NCAM2: variants seen among roughly 807,000 people sequenced by gnomAD.
NCAM2 encodes the protein N-CAM-2.
Under a neutral mutation model 98.1 loss-of-function variants are expected in NCAM2, and 30 were observed. The ratio of observed to expected loss-of-function variants is 0.31; its 90% CI spans 0.23 to 0.41. The LOEUF is 0.41. Among genes scored for constraint, NCAM2 ranks in the 10% least tolerant of loss-of-function variants. The pLI is 1.00. For synonymous variants in NCAM2, 368 were observed against 342.4 expected (o/e 1.07, Z -0.83); for missense variants, 867 against 1,005.8 (o/e 0.86, Z 1.87).
chr21:21,486,050 TC>T (rs1986323925), intron 15 of NCAM2, among the ~76,000 whole-genome samples: 1 of 152,040 alleles, frequency 6.6e-6, no homozygotes. Context: ...ACGCCTGTAA[TC>T]CTAGCACTTT....
intron 6 of NCAM2, among the ~76,000 whole-genome samples, chr21:21,327,099 G>A (rs1158285170): frequency 2.0e-5 from 3 of 152,104 alleles, no homozygotes; most frequent in Non-Finnish European, 2.9e-5. Context: ...TTCGTGAACC[G>A]CCTGCCTTTG....
At chr21:21,509,739 A>G (rs962219543) in intron 16 of NCAM2, among the ~76,000 whole-genome samples, 41 of 152,150 alleles carry the variant, frequency 2.7e-4, no homozygotes, top group African/African-American at 9.4e-4. Flanking sequence ...TAATATTTCC[A>G]TTTTGTTTTA....
chr21:21,060,952 C>A (rs1457752331), intron 1 of NCAM2, among the ~76,000 whole-genome samples: 2 of 151,934 alleles, frequency 1.3e-5, no homozygotes, highest in Non-Finnish European at 2.9e-5. Flanking sequence ...AGGAAGAAGC[C>A]AAGGAAAGGT....
intron 10 of NCAM2, 107 bp downstream of exon 10, chr21:21,410,568 G>T: frequency 1.7e-6 from 1 of 572,086 alleles, no homozygotes; most frequent in South Asian, 5.2e-5. Flanking sequence ...TAATAAGAGA[G>T]AGAAATCATG....
At chr21:21,452,448 G>T (rs138409022) in intron 12 of NCAM2, among the ~76,000 whole-genome samples, 4,670 of 139,766 alleles carry the variant, frequency 0.033, 147 homozygotes, top group East Asian at 0.13. Flanking sequence ...TTACATTGTC[G>T]GGGGGGAAGA....
At chr21:21,512,365 C>T (rs1417722532) in intron 16 of NCAM2, among the ~76,000 whole-genome samples, 1 of 151,888 alleles carries the variant, frequency 6.6e-6, no homozygotes, top group African/African-American at 2.4e-5. Flanking sequence ...TCTCCAATGT[C>T]TTGGCAGCTA....
chr21:21,007,170 G>T (rs954485819), intron 1 of NCAM2, among the ~76,000 whole-genome samples: 1 of 152,134 alleles, frequency 6.6e-6, no homozygotes, highest in Non-Finnish European at 1.5e-5. Context: ...AAAACCTATA[G>T]TATAATATGA....
At chr21:21,132,103 G>A (rs1428831170) in intron 1 of NCAM2, among the ~76,000 whole-genome samples, 4 of 152,190 alleles carry the variant, frequency 2.6e-5, no homozygotes, top group East Asian at 3.9e-4. Flanking sequence ...GGAGTTTCCC[G>A]CATGCATTTG....
intron 5 of NCAM2, among the ~76,000 whole-genome samples, chr21:21,309,344 C>A (rs1243351575): frequency 6.6e-6 from 1 of 151,972 alleles, no homozygotes; most frequent in African/African-American, 2.4e-5. Context: ...TACTTGGAAA[C>A]AGTTTAATCC....
intron 5 of NCAM2, among the ~76,000 whole-genome samples, chr21:21,305,351 T>C (rs1362751101): frequency 6.6e-6 from 1 of 151,926 alleles, no homozygotes; most frequent in Non-Finnish European, 1.5e-5. Context: ...AAAATAATAA[T>C]ATCACTATGA....
At chr21:21,035,696 G>T (rs971237784) in intron 1 of NCAM2, among the ~76,000 whole-genome samples, 1 of 152,106 alleles carries the variant, frequency 6.6e-6, no homozygotes, top group Admixed American at 6.5e-5. Flanking sequence ...GTCAGAAACT[G>T]TATTTAAGAG....
chr21:21,370,897 A>G (rs955030252), intron 8 of NCAM2, among the ~76,000 whole-genome samples: 2 of 151,868 alleles, frequency 1.3e-5, no homozygotes, highest in African/African-American at 4.8e-5. Context: ...TGCCTTTTAT[A>G]ATTATTACAT....
chr21:21,126,917 G>A (rs992814709), intron 1 of NCAM2, among the ~76,000 whole-genome samples: 1 of 151,814 alleles, frequency 6.6e-6, no homozygotes, highest in African/African-American at 2.4e-5. Context: ...GCAAAGTGAC[G>A]CTTTTACCTT....
intron 11 of NCAM2, 70 bp from the exon 12 acceptor site, chr21:21,432,037 AC>A (rs1484060356): frequency 6.4e-5 from 90 of 1,415,994 alleles, no homozygotes; most frequent in Non-Finnish European, 8.6e-5. Context: ...AGTTCTCATA[AC>A]ACCATAAGCC....
chr21:21,430,665 A>G (rs1213737158), intron 11 of NCAM2, among the ~76,000 whole-genome samples: 1 of 152,054 alleles, frequency 6.6e-6, no homozygotes, highest in African/African-American at 2.4e-5. Context: ...CTTATTCATT[A>G]TCATGAGAAC....
chr21:21,524,707 A>G lies in NCAM2; in HGVS notation c.2283-9830A>G, dbSNP rs79373830. On this transcript the variant is annotated intron_variant, in intron 16 of 17. Transcript: ENST00000400546. ...GACGAATTAATCCAATAACAGCAGA[A>G]TGCATACACTTCTCAAGCTTGCCTA... is the stretch of plus-strand genomic sequence containing the variant. Among the ~76,000 whole-genome samples the G allele has an allele frequency of 2.9e-3, 436 of 152,292 alleles. 3 individuals are homozygous for G. Among genetic ancestry groups the G allele is most frequent in the African/African-American group, 9.9e-3 (413 of 41,562 alleles).
At chr21:21,189,166 T>C (rs958270114) in intron 1 of NCAM2, among the ~76,000 whole-genome samples, 1 of 152,110 alleles carries the variant, frequency 6.6e-6, no homozygotes, top group Non-Finnish European at 1.5e-5. Flanking sequence ...CCATAGAAAA[T>C]AATAAGAAAC....
intron 14 of NCAM2, among the ~76,000 whole-genome samples, chr21:21,470,831 A>G (rs1489724786): frequency 6.6e-6 from 1 of 152,062 alleles, no homozygotes; most frequent in East Asian, 1.9e-4. Flanking sequence ...TAGAGCTACT[A>G]TCATTTTAAC....
At chr21:21,021,361 A>T (rs1452144990) in intron 1 of NCAM2, among the ~76,000 whole-genome samples, 4 of 152,168 alleles carry the variant, frequency 2.6e-5, no homozygotes, top group Admixed American at 1.3e-4. Context: ...AGCAAAGTTG[A>T]TGATGACTTT....
Sources: gnomAD v4.1 joint callset for allele counts (sites outside exome capture counted in the v4.1 genomes callset) on GRCh38, gnomAD v4.1.1 for gene constraint, MANE v1.5 for transcripts, NCBI Gene and HGNC (gene_info 2026-07-23, HGNC 2026-07-21) for gene names.